Variants in CCDC88C observed in about 807,000 individuals in gnomAD.
The protein encoded by CCDC88C is coiled-coil and HOOK domain protein 88C.
Under a neutral mutation model 198.8 loss-of-function variants are expected in CCDC88C, and 131 were observed. The ratio of observed to expected loss-of-function variants is 0.66; its 90% CI spans 0.57 to 0.76. The LOEUF (loss-of-function observed/expected upper bound fraction) is 0.76. CCDC88C is among the 30% of genes least tolerant of loss of function. CCDC88C has a pLI of 0.00. For missense variants in CCDC88C, 2,553 were observed against 2,631.6 expected (o/e 0.97, Z 0.65); for synonymous variants, 1,166 against 1,114.7 (o/e 1.05, Z -0.92).
intron 10 of CCDC88C, among the ~76,000 whole-genome samples, chr14:91,327,581 G>A (rs933403713): frequency 1.3e-5 from 2 of 152,182 alleles, no homozygotes; most frequent in Non-Finnish European, 2.9e-5. Flanking sequence ...TACAAAGCTG[G>A]GGCCTGACAG....
intron 3 of CCDC88C, among the ~76,000 whole-genome samples, chr14:91,386,353 C>T (rs1334362821): frequency 4.6e-5 from 7 of 150,874 alleles, no homozygotes; most frequent in Non-Finnish European, 1.0e-4. Context: ...CCCAGCTACT[C>T]GCGAGGCTGA....
chr14:91,296,937 CA>C (rs1891032368), intron 22 of CCDC88C, among the ~76,000 whole-genome samples: 1 of 152,130 alleles, frequency 6.6e-6, no homozygotes, highest in South Asian at 2.1e-4. Flanking sequence ...AGCCACACCC[CA>C]AAATGGAGCA....
At chr14:91,302,548 A>G (rs935298662) in intron 20 of CCDC88C, among the ~76,000 whole-genome samples, 1 of 152,166 alleles carries the variant, frequency 6.6e-6, no homozygotes, top group African/African-American at 2.4e-5. Context: ...CTTAATGAAT[A>G]CAAAACCCAA....
chr14:91,383,613 A>C (rs889037426), intron 3 of CCDC88C, among the ~76,000 whole-genome samples: 1 of 152,212 alleles, frequency 6.6e-6, no homozygotes, highest in African/African-American at 2.4e-5. Flanking sequence ...TTACTTTGCA[A>C]AACCAGTTCT....
At chr14:91,401,730 T>C (rs1004073344) in intron 3 of CCDC88C, among the ~76,000 whole-genome samples, 27 of 152,182 alleles carry the variant, frequency 1.8e-4, no homozygotes, top group Non-Finnish European at 3.5e-4. Context: ...TCTTTAACCT[T>C]TGAAGTCAAA....
chr14:91,323,573 T>C (rs560516516), intron 12 of CCDC88C, among the ~76,000 whole-genome samples: 6 of 152,368 alleles, frequency 3.9e-5, no homozygotes, highest in African/African-American at 1.4e-4. Context: ...ACTAGAATGA[T>C]GCCAGCTCCT....
rs747213669 is a variant in CCDC88C at position 91,273,471 on chromosome 14, G to C, written c.5241C>G (p.Pro1747=). The C allele has an allele frequency of 1.9e-6, 3 of 1,577,048 alleles. No individual in the cohort carries two copies. Among genetic ancestry groups the C allele is most frequent in the Middle Eastern group, 1.7e-4 (1 of 5,902 alleles). ...TGAAGTTTGGCTTTACGTACTGCCC[G>C]GGCTTCAGCGGCCTCCCCTCCGAGG... ...APTSEGRPLK[P]GQYVKPNFRL... Residue 1747 remains proline (P), a synonymous_variant, in exon 30 of 30, where the codon CCC becomes CCG. Transcript: ENST00000389857. The surrounding 1 kb of genome is among the most constrained non-coding windows in gnomAD (Gnocchi z 5.6).
Position 91,300,090 on chromosome 14 carries a change from G to T in CCDC88C, c.3636-20C>A, listed in dbSNP as rs1567060321. The T allele has an allele frequency of 6.2e-7, 1 of 1,603,656 alleles. No individual in the cohort carries two copies. Among genetic ancestry groups the T allele is most frequent in the Admixed American group, 1.7e-5 (1 of 58,836 alleles). On this transcript the variant is annotated intron_variant, in intron 20 of 29. Coordinates refer to ENST00000389857, the MANE Select transcript of CCDC88C (RefSeq NM_001080414.4). ...CCGTGCCTGTTGGAGGGAAGCACCT[G>T]CCGTGAGTCTGGCCAGGGCCTTCTT...
intron 10 of CCDC88C, among the ~76,000 whole-genome samples, chr14:91,332,208 C>T (rs1285770): frequency 0.012 from 1,829 of 152,292 alleles, 30 homozygotes; most frequent in East Asian, 0.022. Context: ...TTTTAAAATA[C>T]GGGGAAAGAG....
intron 2 of CCDC88C, among the ~76,000 whole-genome samples, chr14:91,415,342 T>C (rs1287632432): frequency 1.3e-5 from 2 of 151,410 alleles, no homozygotes; most frequent in African/African-American, 4.9e-5. Context: ...AGATTGGTAG[T>C]GACTTTTTTT....
At chr14:91,387,867 T>G (rs944083624) in intron 3 of CCDC88C, among the ~76,000 whole-genome samples, 1 of 152,184 alleles carries the variant, frequency 6.6e-6, no homozygotes, top group Non-Finnish European at 1.5e-5. Context: ...TTGGGCAGGA[T>G]CAGCAGTGCC....
At chr14:91,383,064 G>A (rs1223609162) in intron 3 of CCDC88C, among the ~76,000 whole-genome samples, 1 of 152,166 alleles carries the variant, frequency 6.6e-6, no homozygotes, top group Non-Finnish European at 1.5e-5. Flanking sequence ...AGGACCCCAG[G>A]GCTCCAGTGC....
At chr14:91,275,053 C>T (rs929229490) in intron 29 of CCDC88C, among the ~76,000 whole-genome samples, 2 of 152,132 alleles carry the variant, frequency 1.3e-5, no homozygotes, top group Non-Finnish European at 2.9e-5. Flanking sequence ...ATACGGTTGT[C>T]ATTTCCCTGG....
At chr14:91,285,410 T>C (rs763945347) in intron 25 of CCDC88C, 2 of 455,104 alleles carry the variant, frequency 4.4e-6, no homozygotes, top group South Asian at 3.1e-5. Context: ...ACGGACATCC[T>C]GGCCCAAGGA....
At chr14:91,324,695 G>T (rs967905970) in intron 12 of CCDC88C, 84 bp downstream of exon 12, 51 of 1,497,218 alleles carry the variant, frequency 3.4e-5, no homozygotes, top group Non-Finnish European at 4.4e-5. Flanking sequence ...GGCTAACATG[G>T]CAGATTCAGA....
chr14:91,410,958 T>C (rs1220086943), intron 2 of CCDC88C, among the ~76,000 whole-genome samples: 1 of 152,194 alleles, frequency 6.6e-6, no homozygotes, highest in Admixed American at 6.5e-5. Flanking sequence ...GTCGGGAACC[T>C]GGGAGTCCCC....
At chr14:91,275,441 T>A (rs1373642557) in intron 29 of CCDC88C, among the ~76,000 whole-genome samples, 1 of 152,052 alleles carries the variant, frequency 6.6e-6, no homozygotes, top group Non-Finnish European at 1.5e-5. Flanking sequence ...CCCCCCCAAT[T>A]TCTGGAGTGT....
chr14:91,355,476 C>T (rs1894003840), intron 4 of CCDC88C, among the ~76,000 whole-genome samples: 1 of 152,096 alleles, frequency 6.6e-6, no homozygotes, highest in Non-Finnish European at 1.5e-5. Flanking sequence ...CAGTGAGGCA[C>T]CAGACAGACC....
chr14:91,372,255 A>G (rs1337923599), intron 3 of CCDC88C, among the ~76,000 whole-genome samples: 1 of 152,012 alleles, frequency 6.6e-6, no homozygotes, highest in African/African-American at 2.4e-5. Flanking sequence ...AACAAAGACA[A>G]GGAGGACAAA....
Sources: gnomAD v4.1 joint callset for allele counts (sites outside exome capture counted in the v4.1 genomes callset) on GRCh38, gnomAD v4.1.1 for gene constraint, Gnocchi (gnomAD v3.1) non-coding constraint, MANE v1.5 for transcripts, NCBI Gene and HGNC (gene_info 2026-07-23, HGNC 2026-07-21) for gene names.